Variants in AFM observed in about 807,000 individuals in gnomAD.
AFM encodes the protein afamin, also known as alpha-Alb.
A neutral mutation model predicts 68.7 loss-of-function variants in AFM; 82 were observed. That is an observed-to-expected ratio of 1.19 (90% CI 1.00 to 1.43). The LOEUF (loss-of-function observed/expected upper bound fraction) is 1.43. Ranked by LOEUF, AFM falls within the 40% of genes most tolerant of loss-of-function variation. The pLI is 0.00. For missense variants in AFM, 772 were observed against 701.8 expected (o/e 1.10, Z -1.13); for synonymous variants, 250 against 234.2 (o/e 1.07, Z -0.61).
rs139213979 is a variant in AFM at position 73,495,330 on chromosome 4, A to C, written c.1089A>C (p.Pro363=). 4.6e-5 allele frequency: 74 copies of C among 1,605,824 alleles called. 1 individual carries two copies. Among genetic ancestry groups the C allele is most frequent in the Non-Finnish European group, 5.7e-5 (67 of 1,178,064 alleles). Residue 363 remains proline, a synonymous_variant, in exon 9 of 15, where the codon CCA becomes CCC. Transcript: ENST00000226355. ...KFTFEYSRRH[P]DLSIPELLRI... The stretch of plus-strand genomic sequence containing the variant: ...CTTTTGAATACTCAAGGAGACATCC[A>C]GACCTGTCTATACCAGAGCTTTTAA...
intron 1 of AFM, 145 bp downstream of exon 1, chr4:73,482,008 C>T: frequency 1.6e-6 from 1 of 608,474 alleles, no homozygotes; most frequent in South Asian, 2.2e-5. Context: ...TTATCCAAAA[C>T]TAACCTTTTC....
At position 73,499,209 on chromosome 4, in the gene AFM, GT is replaced by G; in HGVS notation, c.1386del (p.Cys462Ter). On this transcript the variant is annotated frameshift_variant, in exon 11 of 15. Coordinates refer to ENST00000226355, the MANE Select transcript of AFM (RefSeq NM_001133.2). LOFTEE classifies it high-confidence loss of function. ...EKMVTAFTTC[C>X]TLSEEFACVD... ...ATGGTGACAGCTTTCACTACTTGCT[GT>G]ACGCTAAGTGAAGAGTTTGCCTGTG... The G allele has an allele frequency of 1.2e-6, 2 of 1,611,854 alleles. No homozygotes were observed. The highest frequency in any genetic ancestry group is 1.7e-6 in the Non-Finnish European group (2 of 1,178,924).
intron 8 of AFM, among the ~76,000 whole-genome samples, chr4:73,494,468 G>C (rs1721197654): frequency 1.3e-5 from 2 of 152,090 alleles, no homozygotes; most frequent in Admixed American, 1.3e-4. Context: ...TGAGAAAAGA[G>C]TTCGCTTGGT....
At chr4:73,482,093 A>G (rs1024461701) in intron 1 of AFM, among the ~76,000 whole-genome samples, 13 of 152,226 alleles carry the variant, frequency 8.5e-5, no homozygotes, top group African/African-American at 2.9e-4. Flanking sequence ...CTGAAGAATA[A>G]TCAGCAGTCT....
chr4:73,503,299 C>T (rs962446671), intron 14 of AFM, among the ~76,000 whole-genome samples, 189 bp downstream of exon 14: 1 of 152,044 alleles, frequency 6.6e-6, no homozygotes, highest in African/African-American at 2.4e-5. Context: ...TATGGGGTGG[C>T]AATGCTGCAT....
Position 73,495,381 on chromosome 4 carries a change from C to T in AFM, c.1140C>T (p.Leu380=), listed in dbSNP as rs769599186. ...LLRIVQIYKD[L]LRNCCNTENP... is the part of the protein sequence containing the mutation. ...GAATTGTTCAAATATACAAAGATCTCCTGAGAAATTGCTGCAACACAGAAA... is the reference window on the plus strand; with the variant it reads ...GAATTGTTCAAATATACAAAGATCTTCTGAGAAATTGCTGCAACACAGAAA... Residue 380 remains leucine (L), a synonymous_variant, in exon 9 of 15, where the codon CTC becomes CTT. Coordinates refer to ENST00000226355, the MANE Select transcript of AFM (RefSeq NM_001133.2). The T allele has an allele frequency of 1.2e-6, 2 of 1,613,270 alleles. No homozygotes were observed. Among genetic ancestry groups the T allele is most frequent in the Non-Finnish European group, 1.7e-6 (2 of 1,179,738 alleles).
intron 2 of AFM, 92 bp from the exon 3 acceptor site, chr4:73,484,166 T>A: frequency 6.7e-7 from 1 of 1,484,186 alleles, no homozygotes; most frequent in South Asian, 1.5e-5. Flanking sequence ...GATAATTTCC[T>A]GAGGCTAGTC....
rs1012738051 is a variant in AFM at position 73,496,840 on chromosome 4, G to T, written c.1192-812G>T. On this transcript the variant is annotated intron_variant, in intron 9 of 14. Coordinates refer to ENST00000226355, the MANE Select transcript of AFM (RefSeq NM_001133.2). ...AGAAATTAATAATTTGACATTTTTTGATTTATTTCTCCTTCCTTTGATATG... is the reference window on the plus strand; with the variant it reads ...AGAAATTAATAATTTGACATTTTTTTATTTATTTCTCCTTCCTTTGATATG... 9.9e-5 allele frequency among the ~76,000 whole-genome samples: 15 copies of T among 151,956 alleles called. No homozygotes were observed. The South Asian group carries it at 1.9e-3, about 19-fold the overall frequency.
intron 3 of AFM, 71 bp downstream of exon 3, chr4:73,484,461 T>C (rs1288862026): frequency 2.0e-6 from 1 of 491,270 alleles, no homozygotes. Context: ...TTTCTTTCTT[T>C]CTTTCTTTCT....
chr4:73,489,971 A>G (rs963786091), intron 7 of AFM, among the ~76,000 whole-genome samples: 12 of 152,170 alleles, frequency 7.9e-5, no homozygotes, highest in African/African-American at 2.9e-4. Flanking sequence ...CTGCCCATGT[A>G]TCCCGGAACT....
chr4:73,485,951 A>G lies in AFM; in HGVS notation c.360A>G (p.Gln120=). 6.2e-7 allele frequency: 1 copy of G among 1,614,042 alleles called. No homozygotes were observed. Among genetic ancestry groups the G allele is most frequent in the South Asian group, 1.1e-5 (1 of 91,074 alleles). The part of the protein sequence containing the change: ...FSHCCSKVDA[Q]RRLCFFYNKK... ...ACTGCTGCAGTAAGGTTGATGCTCA[A>G]AGAAGACTCTGTTTCTTCTATAACA... Residue 120 remains glutamine, a synonymous_variant, in exon 4 of 15, where the codon CAA becomes CAG. Coordinates refer to ENST00000226355, the MANE Select transcript of AFM (RefSeq NM_001133.2).
In AFM at chr4:73,486,983, G is replaced by T. The variant is rs767663732; in HGVS notation, c.499G>T (p.Ala167Ser). The stretch of plus-strand genomic sequence containing the variant: ...TTTTTATAGCTTTTTATATGAAGTT[G>T]CCAGAAGGAACCCATTTGTCTTCGC... Reference protein sequence around the residue: ...SLLNHFLYEVARRNPFVFAPT... With the variant: ...SLLNHFLYEVSRRNPFVFAPT... Residue 167 changes from alanine (A) to serine (S), a missense_variant, in exon 5 of 15, where the codon GCC (alanine) becomes TCC (serine). Physicochemically the swap from Ala to Ser is moderately conservative, Grantham distance 99. Transcript: ENST00000226355. The T allele has an allele frequency of 1.2e-6, 2 of 1,611,450 alleles. No individual in the cohort carries two copies. The highest frequency in any genetic ancestry group is 8.5e-7 in the Non-Finnish European group (1 of 1,178,856).
At chr4:73,501,427 C>T (rs551348836) in intron 12 of AFM, among the ~76,000 whole-genome samples, 34 of 152,136 alleles carry the variant, frequency 2.2e-4, no homozygotes, top group African/African-American at 7.0e-4. Flanking sequence ...TTGAAATATA[C>T]AATAAATTAC....
At chr4:73,499,546 G>A (rs1721360918) in intron 11 of AFM, among the ~76,000 whole-genome samples, 1 of 152,082 alleles carries the variant, frequency 6.6e-6, no homozygotes, top group South Asian at 2.1e-4. Flanking sequence ...AAATGATACA[G>A]GAAACTTTAT....
intron 3 of AFM, 52 bp downstream of exon 3, chr4:73,484,442 CTT>C (rs1720811318): frequency 5.9e-5 from 4 of 68,194 alleles, no homozygotes; most frequent in African/African-American, 1.7e-4. Flanking sequence ...CTTTCTTTCT[CTT>C]TCTTTCTTTC....
chr4:73,482,807 T>C (rs2149341979), intron 1 of AFM, among the ~76,000 whole-genome samples: 1 of 152,304 alleles, frequency 6.6e-6, no homozygotes, highest in South Asian at 2.1e-4. Context: ...TCTTTCTACC[T>C]TTTTCTATTT....
chr4:73,490,593 T>C (rs1349697005), intron 7 of AFM, among the ~76,000 whole-genome samples: 1 of 152,174 alleles, frequency 6.6e-6, no homozygotes, highest in East Asian at 1.9e-4. Context: ...CTAATGTTTT[T>C]TGTATTTTTA....
At chr4:73,491,799 G>T in intron 7 of AFM, 73 bp from the exon 8 acceptor site, 1 of 1,218,084 alleles carries the variant, frequency 8.2e-7, no homozygotes. Flanking sequence ...GACTGGTTTT[G>T]CATGCCATCA....
chr4:73,495,500 T>C (rs2149345773), intron 9 of AFM, 68 bp downstream of exon 9: 2 of 1,574,050 alleles, frequency 1.3e-6, no homozygotes, highest in East Asian at 2.3e-5. Flanking sequence ...AAAATTGATA[T>C]CAGAGTTTTG....
Sources: gnomAD v4.1 joint callset for allele counts (sites outside exome capture counted in the v4.1 genomes callset) on GRCh38, gnomAD v4.1.1 for gene constraint, MANE v1.5 for transcripts, NCBI Gene and HGNC (gene_info 2026-07-23, HGNC 2026-07-21) for gene names.